Variants in CHSY3 observed in about 807,000 individuals in gnomAD.
The protein encoded by CHSY3 is N-acetylgalactosaminyl-proteoglycan 3-beta-glucuronosyltransferase 3.
Under a neutral mutation model 67.2 loss-of-function variants are expected in CHSY3, and 35 were observed. The observed-to-expected ratio is 0.52, with a 90% confidence interval of 0.40 to 0.69. The LOEUF (loss-of-function observed/expected upper bound fraction) is 0.69, where lower values mean the gene tolerates loss of function less well. Among genes scored for constraint, CHSY3 ranks in the 30% least tolerant of loss-of-function variants. The pLI, the probability that CHSY3 is intolerant of heterozygous loss-of-function variation, is 0.00. For missense variants in CHSY3, 1,069 were observed against 1,138.5 expected (o/e 0.94, Z 0.88); for synonymous variants, 474 against 434.7 (o/e 1.09, Z -1.12).
intron 2 of CHSY3, among the ~76,000 whole-genome samples, chr5:129,986,112 A>G (rs1011940782): frequency 4.6e-5 from 7 of 152,102 alleles, no homozygotes; most frequent in African/African-American, 7.2e-5. Flanking sequence ...CCAGATCTCA[A>G]TGGGAATACT....
chr5:130,034,615 A>G (rs1764795672), intron 2 of CHSY3, among the ~76,000 whole-genome samples: 1 of 152,178 alleles, frequency 6.6e-6, no homozygotes, highest in Admixed American at 6.6e-5. Context: ...CATAGAAGTT[A>G]GACTCTAAAG....
chr5:129,981,166 A>G (rs1762974088), intron 2 of CHSY3, among the ~76,000 whole-genome samples: 1 of 151,446 alleles, frequency 6.6e-6, no homozygotes, highest in African/African-American at 2.4e-5. Context: ...GCTTGCAGTG[A>G]GCCGAGATTG....
In CHSY3 at chr5:129,904,561, T is replaced by TGCCGCCACCGCC. The variant is rs1554068215; in HGVS notation, c.-262_-251dup. 1 of 395,294 alleles carries TGCCGCCACCGCC rather than the reference T, an allele frequency of 2.5e-6. No homozygotes were observed. 24.5% of individuals were successfully genotyped at this position (395,294 alleles called of 1,614,324 possible). On this transcript the variant is annotated 5_prime_UTR_variant, in exon 1 of 3. Transcript: ENST00000305031. ...CTCCAGCTGCCGCTGCTGCCGCCGC[T>TGCCGCCACCGCC]GCCGCCACCGCCGCCGCCGGGAGAA... is the stretch of plus-strand genomic sequence containing the variant.
chr5:129,963,540 A>T (rs146585564), intron 2 of CHSY3, among the ~76,000 whole-genome samples: 355 of 152,114 alleles, frequency 2.3e-3, no homozygotes, highest in African/African-American at 8.2e-3. Flanking sequence ...TGACTAGCAG[A>T]TGACACTATG....
chr5:130,022,231 T>G (rs1265623484), intron 2 of CHSY3, among the ~76,000 whole-genome samples: 1 of 152,116 alleles, frequency 6.6e-6, no homozygotes, highest in Non-Finnish European at 1.5e-5. Context: ...GGGTTTACCA[T>G]GGCAATTATT....
intron 1 of CHSY3, chr5:129,906,030 T>C (rs1326482345): frequency 5.1e-6 from 1 of 194,716 alleles, no homozygotes; most frequent in Non-Finnish European, 1.0e-5. Flanking sequence ...AGGGGCGTGG[T>C]CTTCAGGAAG....
chr5:129,959,692 T>C (rs998592014), intron 2 of CHSY3, among the ~76,000 whole-genome samples: 4 of 152,142 alleles, frequency 2.6e-5, no homozygotes, highest in Non-Finnish European at 5.9e-5. Context: ...TTTAGACTTA[T>C]TTGCATTAAG....
At chr5:130,125,272 C>T (rs982598132) in intron 2 of CHSY3, among the ~76,000 whole-genome samples, 1 of 152,114 alleles carries the variant, frequency 6.6e-6, no homozygotes, top group African/African-American at 2.4e-5. Flanking sequence ...AACAAATCAG[C>T]TGGGCATGGT....
intron 2 of CHSY3, among the ~76,000 whole-genome samples, chr5:129,963,406 A>C (rs1762388825): frequency 6.6e-6 from 1 of 152,052 alleles, no homozygotes; most frequent in African/African-American, 2.4e-5. Context: ...GTCAGAGTCC[A>C]GCATGAGCAG....
intron 2 of CHSY3, among the ~76,000 whole-genome samples, chr5:130,097,878 C>T (rs1053188369): frequency 1.3e-5 from 2 of 151,904 alleles, no homozygotes; most frequent in African/African-American, 2.4e-5. Context: ...TGGTGGTGGG[C>T]GCCTGTAGTC....
At chr5:130,109,211 G>T (rs1767512695) in intron 2 of CHSY3, among the ~76,000 whole-genome samples, 1 of 151,722 alleles carries the variant, frequency 6.6e-6, no homozygotes, top group African/African-American at 2.4e-5. Flanking sequence ...TTGTAACTTA[G>T]AAATCTTTGT....
intron 2 of CHSY3, among the ~76,000 whole-genome samples, chr5:130,065,169 A>C (rs1229028115): frequency 6.6e-6 from 1 of 152,116 alleles, no homozygotes; most frequent in Non-Finnish European, 1.5e-5. Flanking sequence ...TGGTTGTTTC[A>C]ATTTTGCCTG....
chr5:130,104,614 G>A (rs1030553454), intron 2 of CHSY3, among the ~76,000 whole-genome samples: 2 of 151,720 alleles, frequency 1.3e-5, no homozygotes, highest in Non-Finnish European at 1.5e-5. Flanking sequence ...AATGCCATAA[G>A]CAAAGCCATG....
intron 2 of CHSY3, among the ~76,000 whole-genome samples, chr5:130,129,972 A>T (rs1393251167): frequency 6.6e-6 from 1 of 152,190 alleles, no homozygotes; most frequent in African/African-American, 2.4e-5. Context: ...TTTTGATAGG[A>T]AAATATCGTT....
chr5:130,164,119 T>G (rs922625694), intron 2 of CHSY3, among the ~76,000 whole-genome samples: 3 of 152,214 alleles, frequency 2.0e-5, no homozygotes, highest in Non-Finnish European at 4.4e-5. Context: ...CCTGTTAATA[T>G]GTCCTTCTGG....
At chr5:130,138,844 G>A (rs999810793) in intron 2 of CHSY3, among the ~76,000 whole-genome samples, 1 of 152,128 alleles carries the variant, frequency 6.6e-6, no homozygotes, top group Non-Finnish European at 1.5e-5. Flanking sequence ...GAGCAATGAT[G>A]AGACTATTAA....
At chr5:129,980,146 G>A (rs2149621529) in intron 2 of CHSY3, among the ~76,000 whole-genome samples, 1 of 152,260 alleles carries the variant, frequency 6.6e-6, no homozygotes, top group Admixed American at 6.5e-5. Flanking sequence ...GTAAAAGTAT[G>A]TTTAGCTTTG....
chr5:130,186,083 C>T lies in CHSY3; in HGVS notation c.*292C>T, dbSNP rs77918956. On this transcript the variant is annotated 3_prime_UTR_variant, in exon 3 of 3. Coordinates refer to ENST00000305031, the MANE Select transcript of CHSY3 (RefSeq NM_175856.5). ...CATAGCAATCAAATGACTTTTGAAACGCATTCATCACAAGAGACAGCTTAG... is the reference window on the plus strand; with the variant it reads ...CATAGCAATCAAATGACTTTTGAAATGCATTCATCACAAGAGACAGCTTAG... 6,374 of 170,276 alleles carry T rather than the reference C, an allele frequency of 0.037. 433 individuals are homozygous for T. Among genetic ancestry groups the T allele is most frequent in the African/African-American group, 0.14 (5,986 of 42,196 alleles). The allele number at this position is 170,276 out of a possible 1,614,324, so 10.5% of individuals were successfully genotyped here. A position where few individuals can be genotyped will look rare whatever the true frequency, so the allele number is the denominator to read the frequency against.
chr5:130,094,925 A>T (rs1267645897), intron 2 of CHSY3, among the ~76,000 whole-genome samples: 1 of 152,162 alleles, frequency 6.6e-6, no homozygotes. Flanking sequence ...GATTGAACAA[A>T]TAGCTATTAT....
Sources: gnomAD v4.1 joint callset for allele counts (sites outside exome capture counted in the v4.1 genomes callset) on GRCh38, gnomAD v4.1.1 for gene constraint, MANE v1.5 for transcripts, NCBI Gene and HGNC (gene_info 2026-07-23, HGNC 2026-07-21) for gene names.